Variants in KAZN observed in about 807,000 individuals in gnomAD.
The protein encoded by KAZN is kazrin, periplakin interacting protein, also known as kazrin.
In KAZN, 40 loss-of-function variants were observed where a neutral mutation model predicts 87.4. The ratio of observed to expected loss-of-function variants is 0.46; its 90% CI spans 0.36 to 0.60. KAZN has a LOEUF of 0.60. Among genes scored for constraint, KAZN ranks in the 20% least tolerant of loss-of-function variants. KAZN has a pLI of 0.00. For missense variants in KAZN, 898 were observed against 1,073.9 expected, an observed-to-expected ratio of 0.84 and a Z score of 2.29; for synonymous variants, 466 against 458.3, an observed-to-expected ratio of 1.02 and a Z score of -0.22.
intron 1 of KAZN, among the ~76,000 whole-genome samples, chr1:13,897,112 C>G (rs928212108): frequency 1.3e-5 from 2 of 152,022 alleles, no homozygotes; most frequent in African/African-American, 4.8e-5. Flanking sequence ...TGGCCCACTA[C>G]TTGCTTTTGT....
chr1:14,161,755 G>A (rs2100208494), intron 1 of KAZN, among the ~76,000 whole-genome samples: 1 of 152,270 alleles, frequency 6.6e-6, no homozygotes, highest in East Asian at 1.9e-4. Flanking sequence ...CGATTCAAAT[G>A]TAAAATATAC....
intron 1 of KAZN, among the ~76,000 whole-genome samples, chr1:14,823,075 C>T (rs970629898): frequency 6.6e-6 from 1 of 152,028 alleles, no homozygotes; most frequent in Non-Finnish European, 1.5e-5. Context: ...GGAGACAACT[C>T]GGCTTCCCCC....
chr1:15,076,120 A>T (rs1054807027), intron 8 of KAZN, among the ~76,000 whole-genome samples: 3 of 152,196 alleles, frequency 2.0e-5, no homozygotes, highest in Non-Finnish European at 4.4e-5. Context: ...AGCCTCTGAC[A>T]GCTGTCACTG....
At chr1:14,079,322 G>A (rs971682443) in intron 1 of KAZN, among the ~76,000 whole-genome samples, 2 of 152,222 alleles carry the variant, frequency 1.3e-5, no homozygotes, top group African/African-American at 4.8e-5. Flanking sequence ...CAAGCTCTTT[G>A]AGGCTGAAGC....
At chr1:14,902,993 G>C (rs1164854730) in intron 1 of KAZN, among the ~76,000 whole-genome samples, 1 of 150,984 alleles carries the variant, frequency 6.6e-6, no homozygotes, top group Non-Finnish European at 1.5e-5. Flanking sequence ...TCAGCCTCCT[G>C]AAGTAGCTGG....
chr1:14,810,549 C>T (rs184713680), intron 1 of KAZN, among the ~76,000 whole-genome samples: 7 of 152,304 alleles, frequency 4.6e-5, no homozygotes, highest in Middle Eastern at 3.4e-3. Flanking sequence ...GTCCACTCCG[C>T]TCTAGACACT....
At chr1:15,032,956 A>T (rs751656491) in intron 2 of KAZN, among the ~76,000 whole-genome samples, 7 of 152,026 alleles carry the variant, frequency 4.6e-5, no homozygotes, top group Non-Finnish European at 8.8e-5. Context: ...CTAAAAAAAA[A>T]GGAAAAGAAA....
At chr1:14,172,692 G>A (rs947566763) in intron 1 of KAZN, among the ~76,000 whole-genome samples, 3 of 152,240 alleles carry the variant, frequency 2.0e-5, no homozygotes, top group South Asian at 2.1e-4. Flanking sequence ...CAGTGGCTGT[G>A]GCCTCATCTG....
intron 1 of KAZN, among the ~76,000 whole-genome samples, chr1:14,077,241 T>C (rs1288628781): frequency 6.6e-6 from 1 of 152,174 alleles, no homozygotes; most frequent in African/African-American, 2.4e-5. Context: ...GGCTTGCCAC[T>C]GTCACCGTCC....
intron 1 of KAZN, among the ~76,000 whole-genome samples, chr1:14,852,678 C>T (rs1270968080): frequency 6.6e-6 from 1 of 152,234 alleles, no homozygotes; most frequent in South Asian, 2.1e-4. Flanking sequence ...CAAGTGCAAG[C>T]CTTGGAGAAC....
chr1:13,921,311 A>C (rs1280113936), intron 1 of KAZN, among the ~76,000 whole-genome samples: 1 of 152,238 alleles, frequency 6.6e-6, no homozygotes, highest in Non-Finnish European at 1.5e-5. Flanking sequence ...AGATCCTGAT[A>C]GTAAATATTT....
At chr1:14,171,661 T>C in intron 1 of KAZN, among the ~76,000 whole-genome samples, 1 of 152,222 alleles carries the variant, frequency 6.6e-6, no homozygotes, top group East Asian at 1.9e-4. Flanking sequence ...TTCATATCTA[T>C]GGACCATATA....
At chr1:14,186,491 G>A (rs565765) in intron 2 of KAZN, among the ~76,000 whole-genome samples, 83,310 of 151,936 alleles carry the variant, frequency 0.55, 23,909 homozygotes, top group African/African-American at 0.72. Flanking sequence ...GGTGTCAAAA[G>A]CTTAAAAGCA....
intron 1 of KAZN, among the ~76,000 whole-genome samples, chr1:14,006,438 A>G (rs141395573): frequency 7.7e-4 from 118 of 152,298 alleles, no homozygotes; most frequent in African/African-American, 2.7e-3. Flanking sequence ...CTTTCAAATA[A>G]CCAGCTCCCA....
At chr1:15,074,447 T>C (rs1387270451) in intron 8 of KAZN, among the ~76,000 whole-genome samples, 1 of 151,758 alleles carries the variant, frequency 6.6e-6, no homozygotes, top group Non-Finnish European at 1.5e-5. Context: ...GGTGAAGGAG[T>C]CACTCCTCAT....
At chr1:14,514,344 T>TATA (rs1553182416) in intron 2 of KAZN, among the ~76,000 whole-genome samples, 1 of 19,640 alleles carries the variant, frequency 5.1e-5, no homozygotes, top group African/African-American at 1.9e-4. Flanking sequence ...ATATATATAT[T>TATA]TATATATATT....
chr1:14,437,636 T>TGCCTCCAC (rs1454634010), intron 2 of KAZN, among the ~76,000 whole-genome samples: 1 of 152,210 alleles, frequency 6.6e-6, no homozygotes, highest in Non-Finnish European at 1.5e-5. Flanking sequence ...TCCCTTCCCC[T>TGCCTCCAC]GCCTCCACCT....
chr1:14,810,931 C>G (rs1018407048), intron 1 of KAZN, among the ~76,000 whole-genome samples: 1 of 152,242 alleles, frequency 6.6e-6, no homozygotes, highest in Non-Finnish European at 1.5e-5. Flanking sequence ...CCAGCTTGTC[C>G]TTCTGAGGGC....
At chr1:14,093,514 C>T (rs920906998) in intron 1 of KAZN, among the ~76,000 whole-genome samples, 1 of 152,060 alleles carries the variant, frequency 6.6e-6, no homozygotes, top group Admixed American at 6.6e-5. Flanking sequence ...CCCTGTCTGC[C>T]TGATATGACA....
Sources: allele counts gnomAD v4.1 joint callset (sites outside exome capture counted in the v4.1 genomes callset), GRCh38; gene constraint gnomAD v4.1.1; transcripts MANE v1.5; gene names NCBI Gene and HGNC (gene_info 2026-07-23, HGNC 2026-07-21).